The following C11orf65 variants were observed in gnomAD, a reference collection of about 807,000 sequenced individuals.
C11orf65 encodes chromosome 11 open reading frame 65.
C11orf65 carries 38 observed loss-of-function variants against 35.3 expected under a neutral mutation model. The ratio of observed to expected loss-of-function variants is 1.08; its 90% CI spans 0.83 to 1.41. The LOEUF (loss-of-function observed/expected upper bound fraction) is 1.41, where lower values mean the gene tolerates loss of function less well. Among genes scored for constraint, C11orf65 ranks in the 40% most tolerant of loss-of-function variants. The probability of loss-of-function intolerance (pLI) is 0.00; values close to 1 mark genes in which losing one functional copy is unlikely to be tolerated. For missense variants in C11orf65, 370 were observed against 367.1 expected, an observed-to-expected ratio of 1.01 and a Z score of -0.06; for synonymous variants, 105 against 114.4, an observed-to-expected ratio of 0.92 and a Z score of 0.53.
intron 2 of C11orf65, among the ~76,000 whole-genome samples, chr11:108,336,706 G>A (rs1257816065): frequency 1.3e-5 from 2 of 152,180 alleles, no homozygotes; most frequent in African/African-American, 2.4e-5. Context: ...CTGGGTTAGA[G>A]GATACATGCA....
intron 3 of C11orf65, among the ~76,000 whole-genome samples, chr11:108,410,949 T>TC (rs1162199156): frequency 6.6e-6 from 1 of 151,812 alleles, no homozygotes; most frequent in Non-Finnish European, 1.5e-5. Flanking sequence ...GACCTCATGA[T>TC]CCCCCTGCCT....
intron 5 of C11orf65, among the ~76,000 whole-genome samples, chr11:108,405,836 C>G (rs1284609756): frequency 2.6e-5 from 4 of 152,142 alleles, no homozygotes; most frequent in African/African-American, 4.8e-5. Flanking sequence ...CTAAGAGTGT[C>G]TCATCTTCTC....
chr11:108,423,740 A>C (rs1440748777), intron 3 of C11orf65, among the ~76,000 whole-genome samples: 1 of 152,204 alleles, frequency 6.6e-6, no homozygotes, highest in African/African-American at 2.4e-5. Flanking sequence ...GCTGTTCTGC[A>C]GCCTCCACTG....
intron 2 of C11orf65, chr11:108,365,246 TGTC>T (rs759282582): frequency 2.7e-5 from 44 of 1,614,084 alleles, no homozygotes; most frequent in Non-Finnish European, 3.6e-5. Context: ...AAGGTCCTGT[TGTC>T]AGTTTTTCAG....
In C11orf65 at chr11:108,331,577, A is replaced by C. The variant is rs2086239323; in HGVS notation, c.300-10T>G. 4 of 1,589,430 alleles carry C rather than the reference A, an allele frequency of 2.5e-6. No individual in the cohort carries two copies. The Admixed American group carries it at 6.9e-5, about 27-fold the overall frequency. On this transcript the variant is annotated splice_polypyrimidine_tract_variant and intron_variant, in intron 3 of 3. Coordinates refer to the C11orf65 transcript ENST00000524755. ...AATAATGTAAGTAAACCTGAAAATC[A>C]AACCACAATAATTATTTTTATTCTA... is the stretch of plus-strand genomic sequence containing the variant.
At chr11:108,320,557 A>G (rs986056696) in intron 6 of C11orf65, among the ~76,000 whole-genome samples, 1 of 152,250 alleles carries the variant, frequency 6.6e-6, no homozygotes. Flanking sequence ...ATGATATGCT[A>G]GCCACTGTTA....
intron 3 of C11orf65, among the ~76,000 whole-genome samples, chr11:108,427,733 A>G (rs1293091170): frequency 6.7e-6 from 1 of 148,864 alleles, no homozygotes; most frequent in East Asian, 2.0e-4. Flanking sequence ...AAAAAAAAAA[A>G]AAAAAAAAAA....
downstream of C11orf65, among the ~76,000 whole-genome samples, chr11:108,380,177 G>A (rs905985235): frequency 4.6e-5 from 7 of 152,140 alleles, no homozygotes; most frequent in African/African-American, 1.7e-4. Flanking sequence ...TGAATGAGTT[G>A]GCTCAAGCTA....
At chr11:108,403,347 T>G (rs2092473385) in intron 6 of C11orf65, among the ~76,000 whole-genome samples, 1 of 151,808 alleles carries the variant, frequency 6.6e-6, no homozygotes, top group Non-Finnish European at 1.5e-5. Context: ...TAGGTATGTA[T>G]CTTCACTGAT....
intron 7 of C11orf65, among the ~76,000 whole-genome samples, chr11:108,392,024 G>T (rs558814110): frequency 6.6e-6 from 1 of 152,022 alleles, no homozygotes; most frequent in Non-Finnish European, 1.5e-5. Context: ...AAAATGCTGG[G>T]ATTACAGGCG....
At chr11:108,335,187 A>G in intron 3 of C11orf65, 1 of 1,603,946 alleles carries the variant, frequency 6.2e-7, no homozygotes, top group Non-Finnish European at 8.5e-7. Flanking sequence ...TTTCTGCTTT[A>G]TTTGGGATTT....
At chr11:108,310,474 G>GAAT (rs1259990062) in intron 6 of C11orf65, among the ~76,000 whole-genome samples, 14 of 151,978 alleles carry the variant, frequency 9.2e-5, no homozygotes. Flanking sequence ...TTTTAAAAAG[G>GAAT]AATATGTAAT....
intron 6 of C11orf65, among the ~76,000 whole-genome samples, chr11:108,316,865 G>T (rs973094853): frequency 1.3e-5 from 2 of 151,740 alleles, no homozygotes; most frequent in African/African-American, 4.8e-5. Flanking sequence ...GGCAGAGGTT[G>T]CAGTGAGCCG....
intron 6 of C11orf65, chr11:108,310,352 T>C (rs767895953): frequency 1.0e-5 from 16 of 1,571,988 alleles, no homozygotes; most frequent in Non-Finnish European, 1.4e-5. Flanking sequence ...TTAAAATTAA[T>C]GTTGGCATTG....
chr11:108,454,098 C>CAT (rs1231743345), intron 2 of C11orf65, among the ~76,000 whole-genome samples: 1 of 152,074 alleles, frequency 6.6e-6, no homozygotes, highest in African/African-American at 2.4e-5. Flanking sequence ...TTTTCTTACT[C>CAT]ATTATTGGTC....
At chr11:108,364,403 T>C (rs918280683) in intron 2 of C11orf65, among the ~76,000 whole-genome samples, 1 of 152,208 alleles carries the variant, frequency 6.6e-6, no homozygotes, top group South Asian at 2.1e-4. Flanking sequence ...GAACTCACTT[T>C]CTAAAATTTA....
chr11:108,320,166 T>TA (rs2085099328), intron 6 of C11orf65: 3 of 843,012 alleles, frequency 3.6e-6, no homozygotes, highest in Middle Eastern at 3.4e-4. Flanking sequence ...GATGAAGAGA[T>TA]AAAGACTTGG....
chr11:108,447,461 G>T (rs997812523), intron 2 of C11orf65, among the ~76,000 whole-genome samples: 2 of 151,994 alleles, frequency 1.3e-5, no homozygotes, highest in Non-Finnish European at 2.9e-5. Flanking sequence ...CATCAAACTA[G>T]AACTCAGGAT....
intron 8 of C11orf65, 25 bp downstream of exon 8, chr11:108,385,895 T>C: frequency 6.2e-7 from 1 of 1,602,692 alleles, no homozygotes; most frequent in Non-Finnish European, 8.5e-7. Context: ...GAATTTCCTA[T>C]AAAGTACTGC....
Sources: allele counts gnomAD v4.1 joint callset (sites outside exome capture counted in the v4.1 genomes callset), GRCh38; gene constraint gnomAD v4.1.1; transcripts MANE v1.5; gene names NCBI Gene and HGNC (gene_info 2026-07-23, HGNC 2026-07-21).